Variants in DOP1A observed in about 807,000 individuals in gnomAD.
The protein encoded by DOP1A is DOP1 leucine zipper like protein A.
A neutral mutation model predicts 267.6 loss-of-function variants in DOP1A; 90 were observed. The observed-to-expected ratio is 0.34, with a 90% CI of 0.28 to 0.40. DOP1A has a LOEUF of 0.40. Ranked by LOEUF, DOP1A falls within the 10% of genes least tolerant of loss-of-function variation. The probability of loss-of-function intolerance (pLI) is 1.00; values close to 1 mark genes in which losing one functional copy is unlikely to be tolerated. For missense variants in DOP1A, 2,437 were observed against 2,900.4 expected, an observed-to-expected ratio of 0.84 and a Z score of 3.67; for synonymous variants, 932 against 999.1, an observed-to-expected ratio of 0.93 and a Z score of 1.27.
intron 28 of DOP1A, 64 bp from the exon 29 acceptor site, chr6:83,151,819 A>G (rs1253297836): frequency 4.6e-6 from 7 of 1,506,266 alleles, no homozygotes; most frequent in Middle Eastern, 3.5e-4. Flanking sequence ...AATATAAACT[A>G]CAGAAGTTCA....
Position 83,153,910 on chromosome 6 carries a change from A to G in DOP1A, c.6256A>G (p.Ser2086Gly). Residue 2086 changes from serine to glycine, a missense_variant, in exon 32 of 39, where the codon AGT becomes GGT. By Grantham distance (56) the Ser-to-Gly change is moderately conservative (BLOSUM62 0). Coordinates refer to ENST00000349129, the MANE Select transcript of DOP1A (RefSeq NM_015018.4). ...LRNHSAHNAP[S>G]YRACVQLLSS... ...TCCTTGTAGTGCACATAATGCCCCT[A>G]GTTATCGAGCTTGTGTCCAGCTGCT... 6.2e-7 allele frequency: 1 copy of G among 1,612,254 alleles called. No individual in the cohort carries two copies. Among genetic ancestry groups the G allele is most frequent in the Non-Finnish European group, 8.5e-7 (1 of 1,179,600 alleles).
At chr6:83,151,759 G>A in intron 28 of DOP1A, 100 bp downstream of exon 28, 2 of 1,448,984 alleles carry the variant, frequency 1.4e-6, no homozygotes, top group Non-Finnish European at 1.9e-6. Context: ...TTTCAACTCT[G>A]AACATTCTAT....
At position 83,148,858 on chromosome 6, in the gene DOP1A, A is replaced by T. The variant is rs1781042703; in HGVS notation, c.5832A>T (p.Ile1944=). 8 of 1,521,770 alleles carry T rather than the reference A, an allele frequency of 5.3e-6. No individual in the cohort carries two copies. Among genetic ancestry groups the T allele is most frequent in the Non-Finnish European group, 6.1e-6 (7 of 1,141,658 alleles). 94.3% of individuals were successfully genotyped at this position (1,521,770 alleles called of 1,614,324 possible). A position where few individuals can be genotyped will look rare whatever the true frequency, so the allele number is the denominator to read the frequency against. ...TTCCAGCTCCAGGGCAGTTTCTTAT[A>T]CTTGGGTAAGCAATTTCACTTAATA... ...LSLPAPGQFL[I]LGVLNEFIMK... The change falls in exon 27 of 39, where the codon ATA becomes ATT. Residue 1944 remains isoleucine, a synonymous_variant. Transcript: ENST00000349129.
chr6:83,152,229 CACAT>C (rs71700528), intron 29 of DOP1A, 55 bp from the exon 30 acceptor site: 3 of 907,618 alleles, frequency 3.3e-6, no homozygotes, highest in East Asian at 2.9e-5. Context: ...CACACACACA[CACAT>C]AAAATTTATT....
chr6:83,152,247 A>T, intron 29 of DOP1A, 41 bp from the exon 30 acceptor site: 1 of 1,181,976 alleles, frequency 8.5e-7, no homozygotes, highest in African/African-American at 1.6e-5. Flanking sequence ...ATTTATTTTC[A>T]GTGGGAATTA....
At position 83,138,399 on chromosome 6, in the gene DOP1A, A is replaced by C. The variant is rs1354819973; in HGVS notation, c.4357A>C (p.Ile1453Leu). ...SNHNFRSSMY[I>L]EILISLCLYY... ...TCATAACTTCCGGAGTTCTATGTACATAGAAATTCTTATTTCTCTCTGCTT... is the reference window on the plus strand; with the variant it reads ...TCATAACTTCCGGAGTTCTATGTACCTAGAAATTCTTATTTCTCTCTGCTT... The change falls in exon 21 of 39, where the codon ATA becomes CTA. Residue 1453 changes from isoleucine to leucine, a missense_variant. This residue lies in a region of DOP1A where 878 missense variants were observed against 992.9 expected (regional missense o/e 0.88). Transcript: ENST00000349129. The C allele has an allele frequency of 6.2e-7, 1 of 1,611,144 alleles. No individual in the cohort carries two copies. The highest frequency in any genetic ancestry group is 8.5e-7 in the Non-Finnish European group (1 of 1,179,846).
At chr6:83,152,862 C>T (rs1781989003) in intron 30 of DOP1A, among the ~76,000 whole-genome samples, 1 of 152,208 alleles carries the variant, frequency 6.6e-6, no homozygotes, top group South Asian at 2.1e-4. Flanking sequence ...AGGTAATCCG[C>T]CCACCTCGGC....
chr6:83,140,062 C>T lies in DOP1A; in HGVS notation c.5183C>T (p.Thr1728Ile), dbSNP rs1779376285. Reference protein sequence around the residue: ...DMILTLLEGITAIIHYCLLDP... With the variant: ...DMILTLLEGIIAIIHYCLLDP... The stretch of plus-strand genomic sequence containing the variant: ...ATTCTTACTCTTTTGGAAGGGATTA[C>T]AGCCATTATCCATTACTGTTTGTTG... The change falls in exon 22 of 39, where the codon ACA becomes ATA. Residue 1728 changes from threonine (T) to isoleucine (I), a missense_variant. By Grantham distance (89) the Thr-to-Ile change is moderately conservative. This residue lies in a region of DOP1A where 307 missense variants were observed against 308.6 expected (regional missense o/e 0.99). Transcript: ENST00000349129. 1 of 1,613,702 alleles carries T rather than the reference C, an allele frequency of 6.2e-7. No individual in the cohort carries two copies. The highest frequency in any genetic ancestry group is 8.5e-7 in the Non-Finnish European group (1 of 1,179,794).
Position 83,141,966 on chromosome 6 carries a change from A to T in DOP1A, c.5461A>T (p.Asn1821Tyr). 1.2e-6 allele frequency: 2 copies of T among 1,612,306 alleles called. No individual in the cohort carries two copies. The highest frequency in any genetic ancestry group is 2.2e-5 in the South Asian group (2 of 90,754). ...TGAATTGTTGGGCCCCATTTCAATG[A>T]ATCATGGTGTTCACTTTATGGCTGC... ...ILELLGPISMNHGVHFMAAIA... is the reference protein window; with the variant it reads ...ILELLGPISMYHGVHFMAAIA... The change falls in exon 24 of 39, where the codon AAT becomes TAT. Residue 1821 changes from asparagine to tyrosine, a missense_variant. Asn to Tyr is a moderately radical substitution (Grantham distance 143). Transcript: ENST00000349129.
At chr6:83,147,155 T>A in intron 25 of DOP1A, 81 bp from the exon 26 acceptor site, 1 of 582,390 alleles carries the variant, frequency 1.7e-6, no homozygotes, top group Non-Finnish European at 2.9e-6. Flanking sequence ...AAATTGGCAG[T>A]AAGATACAGA....
Position 83,168,295 on chromosome 6 carries a change from A to C in DOP1A, c.*128A>C. The stretch of plus-strand genomic sequence containing the variant: ...CACATTTCAGATTGTATTTAATTTA[A>C]ATATTTGTATATAAGAGCAAATGTC... On this transcript the variant is annotated 3_prime_UTR_variant, in exon 39 of 39. Coordinates refer to ENST00000349129, the MANE Select transcript of DOP1A (RefSeq NM_015018.4). 7.0e-7 allele frequency: 1 copy of C among 1,432,674 alleles called. No homozygotes were observed. Among genetic ancestry groups the C allele is most frequent in the Non-Finnish European group, 9.1e-7 (1 of 1,099,714 alleles). 88.7% of individuals were successfully genotyped at this position (1,432,674 alleles called of 1,614,324 possible). A position where few individuals can be genotyped will look rare whatever the true frequency, so the allele number is the denominator to read the frequency against.
chr6:83,100,740 C>CA lies in DOP1A; in HGVS notation c.179dup (p.Leu61AlafsTer25). On this transcript the variant is annotated frameshift_variant, in exon 4 of 39. Transcript: ENST00000349129. LOFTEE classifies it high-confidence loss of function. ...ATAATGCAAAGTACCAAGTAGTACC[C>CA]AAAAAGCTGACCATAGGCAAACGCC... is the stretch of plus-strand genomic sequence containing the variant. 1 of 1,542,118 alleles carries CA rather than the reference C, an allele frequency of 6.5e-7. No individual in the cohort carries two copies. Among genetic ancestry groups the CA allele is most frequent in the Non-Finnish European group, 8.7e-7 (1 of 1,144,312 alleles).
chr6:83,158,621 C>A lies in DOP1A; in HGVS notation c.6796C>A (p.Arg2266=). Residue 2266 remains arginine, a splice_region_variant and synonymous_variant, in exon 36 of 39, where the codon CGG becomes AGG. Transcript: ENST00000349129. ...ACTCACTGCTGATGAAGATATTTCA[C>A]GGTAATATGTAATTTAAATATATTG... The part of the protein sequence containing the change: ...QELTADEDIS[R]TSGPSVAGLE... 1 of 1,597,998 alleles carries A rather than the reference C, an allele frequency of 6.3e-7. No homozygotes were observed. The highest frequency in any genetic ancestry group is 8.6e-7 in the Non-Finnish European group (1 of 1,168,356).
intron 38 of DOP1A, chr6:83,165,873 G>T: frequency 2.6e-6 from 1 of 378,610 alleles, no homozygotes; most frequent in South Asian, 2.1e-5. Flanking sequence ...TTGATTTGCT[G>T]AGCATACTTA....
At chr6:83,111,116 A>G (rs1774483606) in intron 6 of DOP1A, among the ~76,000 whole-genome samples, 2 of 152,056 alleles carry the variant, frequency 1.3e-5, no homozygotes, top group Admixed American at 6.6e-5. Context: ...CATACTGTAT[A>G]TAAGTGGACT....
At chr6:83,081,862 A>G (rs1325985652) in intron 1 of DOP1A, among the ~76,000 whole-genome samples, 4 of 152,170 alleles carry the variant, frequency 2.6e-5, no homozygotes, top group Non-Finnish European at 5.9e-5. Flanking sequence ...ATTTTAAAAT[A>G]TGCAAAAGAC....
chr6:83,100,896 A>G lies in DOP1A; in HGVS notation c.320+10A>G, dbSNP rs1290383553. ...ATCTTTTTTTATATAGGTAAGAATA[A>G]TTTTACTATATATATACAAATAATA... is the stretch of plus-strand genomic sequence containing the variant. On this transcript the variant is annotated intron_variant, in intron 4 of 38. Transcript: ENST00000349129. 1 of 1,449,868 alleles carries G rather than the reference A, an allele frequency of 6.9e-7. No individual in the cohort carries two copies. The highest frequency in any genetic ancestry group is 2.4e-5 in the East Asian group (1 of 41,550). The allele number at this position is 1,449,868 out of a possible 1,614,324, so 89.8% of individuals were successfully genotyped here. A position where few individuals can be genotyped will look rare whatever the true frequency, so the allele number is the denominator to read the frequency against.
chr6:83,092,834 G>A (rs1770710304), intron 1 of DOP1A, among the ~76,000 whole-genome samples: 1 of 152,036 alleles, frequency 6.6e-6, no homozygotes, highest in African/African-American at 2.4e-5. Context: ...CTATAGCATG[G>A]ATACACTGCA....
At chr6:83,169,020 A>G, downstream of DOP1A, 1 of 1,352,048 alleles carries the variant, frequency 7.4e-7, no homozygotes. Context: ...CATTAGTGAG[A>G]CTGAAATTAG....
Sources: gnomAD v4.1 joint callset for allele counts (sites outside exome capture counted in the v4.1 genomes callset) on GRCh38, gnomAD v4.1.1 for gene constraint, gnomAD v4.1.1 regional missense constraint, MANE v1.5 for transcripts, NCBI Gene and HGNC (gene_info 2026-07-23, HGNC 2026-07-21) for gene names.